DLG2: variants seen among roughly 807,000 people sequenced by gnomAD.
The protein encoded by DLG2 is disks large homolog 2.
A neutral mutation model predicts 132.5 loss-of-function variants in DLG2; 45 were observed. That is an observed-to-expected ratio of 0.34 (90% CI 0.27 to 0.44). The LOEUF is 0.44. Among genes scored for constraint, DLG2 ranks in the 20% least tolerant of loss-of-function variants. DLG2 has a pLI of 1.00. For missense variants in DLG2, 1,045 were observed against 1,196.9 expected, an observed-to-expected ratio of 0.87 and a Z score of 1.87; for synonymous variants, 424 against 419.6, an observed-to-expected ratio of 1.01 and a Z score of -0.13.
intron 8 of DLG2, among the ~76,000 whole-genome samples, chr11:84,193,484 A>G (rs1264871540): frequency 6.6e-6 from 1 of 152,222 alleles, no homozygotes; most frequent in Non-Finnish European, 1.5e-5. Flanking sequence ...TGGCTGGCAT[A>G]TAATAAATAA....
At chr11:84,430,572 A>C (rs1330558692) in intron 7 of DLG2, among the ~76,000 whole-genome samples, 2 of 152,206 alleles carry the variant, frequency 1.3e-5, no homozygotes, top group East Asian at 3.9e-4. Flanking sequence ...ACTGCTTAAT[A>C]GTCATTCCTA....
intron 6 of DLG2, among the ~76,000 whole-genome samples, chr11:84,883,814 G>A (rs893769540): frequency 6.6e-6 from 1 of 152,058 alleles, no homozygotes; most frequent in Non-Finnish European, 1.5e-5. Context: ...AGAAGCAATA[G>A]GGTGATACTA....
intron 6 of DLG2, among the ~76,000 whole-genome samples, chr11:84,578,624 T>C (rs2099509035): frequency 6.6e-6 from 1 of 152,214 alleles, no homozygotes; most frequent in South Asian, 2.1e-4. Flanking sequence ...TGCCATTGTG[T>C]CTAGGAACTA....
At chr11:85,069,853 C>T (rs1467620625) in intron 6 of DLG2, among the ~76,000 whole-genome samples, 6 of 151,990 alleles carry the variant, frequency 3.9e-5, no homozygotes, top group East Asian at 1.9e-4. Context: ...CACGTGCACA[C>T]GTATGTTTAT....
At chr11:84,569,917 T>C (rs1397156258) in intron 6 of DLG2, among the ~76,000 whole-genome samples, 1 of 152,210 alleles carries the variant, frequency 6.6e-6, no homozygotes, top group East Asian at 1.9e-4. Flanking sequence ...AAGCTACCTC[T>C]ATTTTGATTT....
rs1284627035 is a variant in DLG2, at chr11:84,623,709, A to T, written c.358-88978T>A. Among the ~76,000 whole-genome samples, 4 of 152,182 alleles carry T rather than the reference A, an allele frequency of 2.6e-5. No homozygotes were observed. In the South Asian group the frequency reaches 8.3e-4, roughly 31 times the overall value. ...CTTGTTTTTAATACAATGCATACAC[A>T]TAGTATTTAATAAACAAATGCAATG... On this transcript the variant is annotated intron_variant, in intron 6 of 27. Coordinates refer to ENST00000376104, the MANE Select transcript of DLG2 (RefSeq NM_001142699.3).
intron 4 of DLG2, among the ~76,000 whole-genome samples, chr11:85,184,790 AT>A (rs2079977059): frequency 6.6e-6 from 1 of 151,948 alleles, no homozygotes; most frequent in Non-Finnish European, 1.5e-5. Flanking sequence ...GGAAAAAAAA[AT>A]AAAAGCAAGT....
At chr11:83,787,990 AAC>A (rs1383323048) in intron 17 of DLG2, among the ~76,000 whole-genome samples, 1 of 152,222 alleles carries the variant, frequency 6.6e-6, no homozygotes, top group African/African-American at 2.4e-5. Context: ...TTTTCTGATG[AAC>A]ACACAGTAAG....
intron 3 of DLG2, among the ~76,000 whole-genome samples, chr11:85,467,783 T>C (rs1286057789): frequency 2.6e-5 from 4 of 152,222 alleles, no homozygotes; most frequent in African/African-American, 9.6e-5. Context: ...TTTTTTGTTA[T>C]GTCTCTGCCA....
chr11:85,399,639 G>A (rs1209270736), intron 3 of DLG2, among the ~76,000 whole-genome samples: 1 of 151,876 alleles, frequency 6.6e-6, no homozygotes, highest in Non-Finnish European at 1.5e-5. Flanking sequence ...TATCTACAAC[G>A]ATCTGAACTT....
At chr11:83,846,655 C>T (rs936874864) in intron 16 of DLG2, among the ~76,000 whole-genome samples, 2 of 152,120 alleles carry the variant, frequency 1.3e-5, no homozygotes, top group Non-Finnish European at 2.9e-5. Context: ...GAATTAGGCA[C>T]ACATCTGAGA....
intron 7 of DLG2, among the ~76,000 whole-genome samples, chr11:84,403,548 T>C (rs963968554): frequency 6.6e-5 from 10 of 152,182 alleles, no homozygotes; most frequent in Non-Finnish European, 1.5e-4. Context: ...TCTATTATTT[T>C]CTATCACTGT....
intron 18 of DLG2, among the ~76,000 whole-genome samples, chr11:83,704,264 T>C (rs1466809309): frequency 6.6e-6 from 1 of 152,216 alleles, no homozygotes; most frequent in African/African-American, 2.4e-5. Context: ...GTTAAATGCT[T>C]ATGCTATAAT....
At chr11:83,632,756 C>A (rs1406468835) in intron 19 of DLG2, 3 of 153,444 alleles carry the variant, frequency 2.0e-5, no homozygotes, top group Non-Finnish European at 2.9e-5. Context: ...TAGAGAAAAG[C>A]ACATAACTCT....
At chr11:85,107,953 A>AT (rs71465020) in intron 6 of DLG2, among the ~76,000 whole-genome samples, 1 of 144,928 alleles carries the variant, frequency 6.9e-6, no homozygotes, top group African/African-American at 2.6e-5. Flanking sequence ...AAAAAAAAAA[A>AT]GCCTCTCAGC....
Position 84,613,005 on chromosome 11 carries a change from C to T in DLG2, c.358-78274G>A, listed in dbSNP as rs570315709. ...AATGGGGTACACAGTTGGAACCTCA[C>T]GAATTTCTAAATGCAAATATAAATG... On this transcript the variant is annotated intron_variant, in intron 6 of 27. Transcript: ENST00000376104. Among the ~76,000 whole-genome samples, 9 of 152,208 alleles carry T rather than the reference C, an allele frequency of 5.9e-5. No homozygotes were observed. The South Asian group carries it at 6.2e-4, about 11-fold the overall frequency.
chr11:85,424,154 A>G (rs571040762), intron 3 of DLG2, among the ~76,000 whole-genome samples: 1 of 152,314 alleles, frequency 6.6e-6, no homozygotes, highest in South Asian at 2.1e-4. Context: ...GGTAAGGTCA[A>G]TATCGTCTCC....
chr11:84,879,746 T>G (rs2086988520), intron 6 of DLG2, among the ~76,000 whole-genome samples: 1 of 152,134 alleles, frequency 6.6e-6, no homozygotes, highest in Non-Finnish European at 1.5e-5. Flanking sequence ...ATGTATGTCA[T>G]CTATCAAAAA....
chr11:85,488,566 T>C (rs924058282), intron 3 of DLG2, among the ~76,000 whole-genome samples: 1 of 152,128 alleles, frequency 6.6e-6, no homozygotes, highest in African/African-American at 2.4e-5. Flanking sequence ...CAATACACTG[T>C]CTAAATTCAA....
Sources: allele counts gnomAD v4.1 joint callset (sites outside exome capture counted in the v4.1 genomes callset), GRCh38; gene constraint gnomAD v4.1.1; transcripts MANE v1.5; gene names NCBI Gene and HGNC (gene_info 2026-07-23, HGNC 2026-07-21).